The following KAZN variants were observed in gnomAD, a reference collection of about 807,000 sequenced individuals.
KAZN encodes kazrin, periplakin interacting protein, also known as kazrin.
Under a neutral mutation model 87.4 loss-of-function variants are expected in KAZN, and 40 were observed. The ratio of observed to expected loss-of-function variants is 0.46; its 90% CI spans 0.36 to 0.60. KAZN has a LOEUF of 0.60. Among genes scored for constraint, KAZN ranks in the 20% least tolerant of loss-of-function variants. KAZN has a pLI of 0.00. For synonymous variants in KAZN, 466 were observed against 458.3 expected, an observed-to-expected ratio of 1.02 and a Z score of -0.22; for missense variants, 898 against 1,073.9, an observed-to-expected ratio of 0.84 and a Z score of 2.29.
At chr1:14,113,681 A>G (rs1018731947) in intron 1 of KAZN, among the ~76,000 whole-genome samples, 3 of 152,232 alleles carry the variant, frequency 2.0e-5, no homozygotes, top group Non-Finnish European at 4.4e-5. Flanking sequence ...ACTGCAGAGT[A>G]TTAGCTCCTT....
At chr1:14,868,699 C>T (rs1432727934) in intron 1 of KAZN, among the ~76,000 whole-genome samples, 1 of 151,222 alleles carries the variant, frequency 6.6e-6, no homozygotes, top group Admixed American at 6.6e-5. Context: ...CCAAGAGGAG[C>T]CAGGCATGGT....
At chr1:13,933,205 T>C (rs1482418690) in intron 1 of KAZN, among the ~76,000 whole-genome samples, 2 of 151,950 alleles carry the variant, frequency 1.3e-5, no homozygotes, top group Admixed American at 6.6e-5. Context: ...TTAAAAAATA[T>C]TCATCGGCCG....
chr1:14,868,758 C>T (rs934705540), intron 1 of KAZN, among the ~76,000 whole-genome samples: 6 of 151,850 alleles, frequency 4.0e-5, no homozygotes, highest in African/African-American at 1.5e-4. Flanking sequence ...GTGGGGGGAT[C>T]TCTTGAGCCC....
chr1:15,049,312 C>T lies in KAZN; in HGVS notation c.726+5153C>T, dbSNP rs145948669. Among the ~76,000 whole-genome samples the T allele has an allele frequency of 2.6e-3, 401 of 152,346 alleles. 1 individual carries two copies. The highest frequency in any genetic ancestry group is 8.7e-3 in the African/African-American group (360 of 41,584). On this transcript the variant is annotated intron_variant, in intron 4 of 14. Coordinates refer to ENST00000376030, the MANE Select transcript of KAZN (RefSeq NM_201628.3). ...ACACGGACCTCGCTGCTGACGAGCG[C>T]GGCTTCTCCAGCACGGGAAATGCTC...
At chr1:14,518,781 G>A (rs1485509238) in intron 2 of KAZN, among the ~76,000 whole-genome samples, 1 of 152,230 alleles carries the variant, frequency 6.6e-6, no homozygotes, top group Non-Finnish European at 1.5e-5. Context: ...GCTATTAGGA[G>A]AATCAACATA....
At position 14,846,387 on chromosome 1, in the gene KAZN, CA is replaced by C. The variant is rs376641636; in HGVS notation, c.227-114290del. 2.9e-3 allele frequency among the ~76,000 whole-genome samples: 433 copies of C among 151,496 alleles called. 2 individuals carry two copies. Among genetic ancestry groups the C allele is most frequent in the African/African-American group, 9.7e-3 (399 of 41,296 alleles). On this transcript the variant is annotated intron_variant, in intron 1 of 14. Coordinates refer to ENST00000376030, the MANE Select transcript of KAZN (RefSeq NM_201628.3). ...AGTGTTCCTAGGCCACAAGAGAGAA[CA>C]AAAAAAGGAAGGGAACCATAACAGA...
chr1:14,854,669 A>C lies in KAZN; in HGVS notation c.227-106015A>C, dbSNP rs57380795. Reference sequence around the variant, plus strand: ...CACTCCCATGAGTATGGCAGGCATTAGACCATTCAATGAGGAATGCACCTC... The same window carrying C: ...CACTCCCATGAGTATGGCAGGCATTCGACCATTCAATGAGGAATGCACCTC... On this transcript the variant is annotated intron_variant, in intron 1 of 14. Transcript: ENST00000376030. Among the ~76,000 whole-genome samples, 521 of 152,246 alleles carry C rather than the reference A, an allele frequency of 3.4e-3. 3 individuals carry two copies. Among genetic ancestry groups the C allele is most frequent in the African/African-American group, 0.012 (499 of 41,562 alleles).
chr1:14,616,740 C>T (rs1678274351), intron 1 of KAZN, among the ~76,000 whole-genome samples: 1 of 152,136 alleles, frequency 6.6e-6, no homozygotes, highest in African/African-American at 2.4e-5. Context: ...TCAGGGTTGC[C>T]TTTTGCATGA....
At chr1:14,360,456 TC>T (rs1355888093) in intron 2 of KAZN, among the ~76,000 whole-genome samples, 1 of 152,216 alleles carries the variant, frequency 6.6e-6, no homozygotes, top group African/African-American at 2.4e-5. Context: ...TTCATCAAAC[TC>T]ATTCTCCATC....
At chr1:14,989,349 A>G (rs1667133981) in intron 2 of KAZN, among the ~76,000 whole-genome samples, 1 of 152,132 alleles carries the variant, frequency 6.6e-6, no homozygotes, top group Admixed American at 6.6e-5. Flanking sequence ...GGTGGTGCAC[A>G]CCTGAAATCC....
At position 14,167,145 on chromosome 1, in the gene KAZN, G is replaced by A. The variant is rs186512859; in HGVS notation, c.92-13290G>A. On this transcript the variant is annotated intron_variant, in intron 1 of 16. Coordinates refer to the KAZN transcript ENST00000636203. ...CATCTAGGCAGGAATGCAGAGTGGT[G>A]CAGAGTTCTTTATGGAGTTCTGGGA... Among the ~76,000 whole-genome samples the A allele has an allele frequency of 3.8e-3, 579 of 152,376 alleles. 2 individuals carry two copies. The highest frequency in any genetic ancestry group is 0.024 in the Middle Eastern group (7 of 292).
intron 2 of KAZN, among the ~76,000 whole-genome samples, chr1:14,253,213 T>C (rs954250369): frequency 1.3e-5 from 2 of 152,032 alleles, no homozygotes; most frequent in Non-Finnish European, 2.9e-5. Context: ...CCATGGTTGT[T>C]GGTGAAGCAC....
Position 14,006,641 on chromosome 1 carries a change from A to T in KAZN, c.91+112885A>T, listed in dbSNP as rs570922445. On this transcript the variant is annotated intron_variant, in intron 1 of 16. Coordinates refer to the KAZN transcript ENST00000636203. ...CTTCTTGGTGCCCTGGTTGAAAATT[A>T]GTTGACTGTACATGCTTGAGTTTAC... 3.3e-5 allele frequency among the ~76,000 whole-genome samples: 5 copies of T among 152,312 alleles called. No homozygotes were observed. The South Asian group carries it at 6.2e-4, about 19-fold the overall frequency.
At chr1:14,645,426 T>C (rs1680739390) in intron 1 of KAZN, among the ~76,000 whole-genome samples, 1 of 152,258 alleles carries the variant, frequency 6.6e-6, no homozygotes, top group African/African-American at 2.4e-5. Context: ...ACTCTTCCTA[T>C]CCATAAACAG....
chr1:15,060,002 C>T (rs957024843), intron 5 of KAZN, among the ~76,000 whole-genome samples, 170 bp from the exon 6 acceptor site: 3 of 152,164 alleles, frequency 2.0e-5, no homozygotes, highest in South Asian at 2.1e-4. Flanking sequence ...TCTATGGGAA[C>T]GTGTGGAGCT....
At chr1:14,744,486 T>C (rs190773165) in intron 1 of KAZN, among the ~76,000 whole-genome samples, 2 of 152,218 alleles carry the variant, frequency 1.3e-5, no homozygotes, top group African/African-American at 4.8e-5. Flanking sequence ...CCCAGCAATT[T>C]GGGAGGCTGA....
At chr1:14,751,533 C>T (rs780793177) in intron 1 of KAZN, among the ~76,000 whole-genome samples, 15 of 152,172 alleles carry the variant, frequency 9.9e-5, no homozygotes, top group African/African-American at 3.6e-4. Flanking sequence ...TGTTTTATTG[C>T]AGAGAATACT....
At chr1:14,012,621 A>G (rs1205249082) in intron 1 of KAZN, among the ~76,000 whole-genome samples, 1 of 152,178 alleles carries the variant, frequency 6.6e-6, no homozygotes, top group Non-Finnish European at 1.5e-5. Context: ...CCTGGCCAAC[A>G]TGGCGAAACT....
At chr1:15,092,373 C>G (rs962558002) in intron 8 of KAZN, among the ~76,000 whole-genome samples, 1 of 152,060 alleles carries the variant, frequency 6.6e-6, no homozygotes, top group Non-Finnish European at 1.5e-5. Context: ...CTGTGCCCAG[C>G]CAGTCAGAGT....
Sources: allele counts gnomAD v4.1 joint callset (sites outside exome capture counted in the v4.1 genomes callset), GRCh38; gene constraint gnomAD v4.1.1; transcripts MANE v1.5; gene names NCBI Gene and HGNC (gene_info 2026-07-23, HGNC 2026-07-21).